The following ZHX2 variants were observed in gnomAD, a reference collection of about 807,000 sequenced individuals.
The protein encoded by ZHX2 is zinc fingers and homeoboxes protein 2.
ZHX2 carries 6 observed loss-of-function variants against 21.9 expected under a neutral mutation model. The ratio of observed to expected loss-of-function variants is 0.27; its 90% CI spans 0.15 to 0.54. The LOEUF is 0.54. Among genes scored for constraint, ZHX2 ranks in the 20% least tolerant of loss-of-function variants. ZHX2 has a pLI of 0.95. For synonymous variants in ZHX2, 434 were observed against 437.1 expected (o/e 0.99, Z 0.09); for missense variants, 908 against 1,090.7 (o/e 0.83, Z 2.36).
intron 1 of ZHX2, among the ~76,000 whole-genome samples, chr8:122,832,802 T>C (rs969773466): frequency 1.3e-5 from 2 of 152,096 alleles, no homozygotes; most frequent in African/African-American, 2.4e-5. Flanking sequence ...TAGGCCTAGA[T>C]AGGTGACCGA....
At chr8:122,862,874 T>C (rs1389904111) in intron 1 of ZHX2, among the ~76,000 whole-genome samples, 1 of 152,206 alleles carries the variant, frequency 6.6e-6, no homozygotes, top group Non-Finnish European at 1.5e-5. Context: ...GTTAAACCTC[T>C]AGGGCTCAGG....
chr8:122,925,512 G>C (rs1005107668), intron 2 of ZHX2, among the ~76,000 whole-genome samples: 1 of 152,176 alleles, frequency 6.6e-6, no homozygotes, highest in Non-Finnish European at 1.5e-5. Context: ...AGTTCAAACC[G>C]TGTTCTCTTT....
At chr8:122,900,418 G>C (rs1170951546) in intron 2 of ZHX2, among the ~76,000 whole-genome samples, 1 of 152,114 alleles carries the variant, frequency 6.6e-6, no homozygotes, top group Non-Finnish European at 1.5e-5. Flanking sequence ...TCGCCCACGA[G>C]GGAGGACATT....
chr8:122,833,966 C>G (rs1182612994), intron 1 of ZHX2, among the ~76,000 whole-genome samples: 1 of 150,292 alleles, frequency 6.7e-6, no homozygotes, highest in Non-Finnish European at 1.5e-5. Context: ...CACTGCACTC[C>G]AGCCTGGGCG....
intron 2 of ZHX2, among the ~76,000 whole-genome samples, chr8:122,881,726 G>A (rs1402454757): frequency 2.0e-5 from 3 of 152,156 alleles, no homozygotes; most frequent in African/African-American, 7.2e-5. Flanking sequence ...CAGGTGACAG[G>A]CCACGTAGGG....
At chr8:122,858,494 T>G (rs1819084448) in intron 1 of ZHX2, among the ~76,000 whole-genome samples, 1 of 152,162 alleles carries the variant, frequency 6.6e-6, no homozygotes, top group Non-Finnish European at 1.5e-5. Flanking sequence ...TTATTTTTCC[T>G]TATTGTGATT....
At chr8:122,965,425 G>A (rs187246484) in intron 3 of ZHX2, among the ~76,000 whole-genome samples, 65 of 152,176 alleles carry the variant, frequency 4.3e-4, no homozygotes, top group Non-Finnish European at 6.2e-4. Context: ...ATTCAAGAGC[G>A]TATCATTTAA....
chr8:122,947,497 G>T (rs1427703229), intron 2 of ZHX2, among the ~76,000 whole-genome samples: 10 of 152,116 alleles, frequency 6.6e-5, no homozygotes, highest in Non-Finnish European at 1.5e-4. Context: ...CTACCATATT[G>T]GGCAGAATGG....
intron 1 of ZHX2, among the ~76,000 whole-genome samples, chr8:122,798,801 CAA>C (rs35258860): frequency 6.2e-5 from 8 of 128,928 alleles, no homozygotes; most frequent in Admixed American, 8.0e-5. Flanking sequence ...GAGACTGTCT[CAA>C]AAAAAAAAAA....
In ZHX2 at chr8:122,952,604, C is replaced by T. The variant is rs772595473; in HGVS notation, c.1094C>T (p.Ala365Val). Residue 365 changes from alanine (A) to valine (V), a missense_variant, in exon 3 of 4, where the codon GCT becomes GTT. Around this residue, in one of 4 missense-constraint regions of ZHX2, gnomAD observed 232 missense variants for 361.8 expected, o/e 0.64. Coordinates refer to ENST00000314393, the MANE Select transcript of ZHX2 (RefSeq NM_014943.5). This position sits in a 1 kb window ranked among gnomAD's most constrained non-coding sequence, Gnocchi z 6.9. ...GTGACGCAGCCCATCCTCCAGACGGCTCTACCGTGCCAGATCCTCGGCCAG... is the reference window on the plus strand; with the variant it reads ...GTGACGCAGCCCATCCTCCAGACGGTTCTACCGTGCCAGATCCTCGGCCAG... ...TKVTQPILQTALPCQILGQTS... is the reference protein window; with the variant it reads ...TKVTQPILQTVLPCQILGQTS... 1.2e-6 allele frequency: 2 copies of T among 1,614,188 alleles called. No homozygotes were observed. Among genetic ancestry groups the T allele is most frequent in the Non-Finnish European group, 1.7e-6 (2 of 1,180,044 alleles).
chr8:122,945,836 C>G (rs897721819), intron 2 of ZHX2, among the ~76,000 whole-genome samples: 2 of 152,214 alleles, frequency 1.3e-5, no homozygotes, highest in Non-Finnish European at 2.9e-5. Context: ...GATGGTCTGT[C>G]TACAGCCATA....
rs181851604 is a variant in ZHX2, at chr8:122,795,697, C to A, written c.-283+13751C>A. On this transcript the variant is annotated intron_variant, in intron 1 of 3. Coordinates refer to ENST00000314393, the MANE Select transcript of ZHX2 (RefSeq NM_014943.5). ...TTATATTATTTAATCCCAACTACCC[C>A]CATTGGTAGAAATTTTTATACTCAT... Among the ~76,000 whole-genome samples the A allele has an allele frequency of 2.0e-5, 3 of 152,208 alleles. No homozygotes were observed. In the East Asian group the frequency reaches 5.8e-4, roughly 29 times the overall value.
At chr8:122,918,878 A>T (rs1288813364) in intron 2 of ZHX2, among the ~76,000 whole-genome samples, 1 of 149,792 alleles carries the variant, frequency 6.7e-6, no homozygotes, top group Non-Finnish European at 1.5e-5. Flanking sequence ...AACCTGGGAG[A>T]TGGAGGTTGC....
intron 1 of ZHX2, among the ~76,000 whole-genome samples, chr8:122,854,977 T>C (rs1231331102): frequency 6.6e-6 from 1 of 152,246 alleles, no homozygotes; most frequent in East Asian, 1.9e-4. Flanking sequence ...CAACACCTGA[T>C]ACAGTATTCT....
intron 2 of ZHX2, among the ~76,000 whole-genome samples, chr8:122,864,452 G>A (rs1385006528): frequency 6.6e-6 from 1 of 152,062 alleles, no homozygotes; most frequent in Admixed American, 6.5e-5. Context: ...CCTGCTGTAT[G>A]TGGTCCAGGG....
intron 1 of ZHX2, among the ~76,000 whole-genome samples, chr8:122,783,068 G>T (rs371122531): frequency 1.1e-4 from 16 of 152,292 alleles, no homozygotes; most frequent in East Asian, 5.8e-4. Flanking sequence ...GGAGGTGGAG[G>T]CGGCGGCGGA....
intron 1 of ZHX2, among the ~76,000 whole-genome samples, chr8:122,844,680 C>T (rs1332106236): frequency 6.6e-6 from 1 of 152,154 alleles, no homozygotes; most frequent in Non-Finnish European, 1.5e-5. Flanking sequence ...TAAAACAGAG[C>T]ACTTTATGAC....
At chr8:122,923,130 C>G (rs1820777165) in intron 2 of ZHX2, among the ~76,000 whole-genome samples, 1 of 152,234 alleles carries the variant, frequency 6.6e-6, no homozygotes. Flanking sequence ...TTGGGTCGGC[C>G]TCTGTTCTGG....
rs1415615568 is a variant in ZHX2, at chr8:122,973,741, C to T, written c.*504C>T. 6.6e-6 allele frequency: 1 copy of T among 152,342 alleles called. No individual in the cohort carries two copies. Among genetic ancestry groups the T allele is most frequent in the Non-Finnish European group, 1.5e-5 (1 of 67,994 alleles). 9.4% of individuals were successfully genotyped at this position (152,342 alleles called of 1,614,324 possible). A position where few individuals can be genotyped will look rare whatever the true frequency, so the allele number is the denominator to read the frequency against. ...ATCTACTGGATTTTAAGTAGGGAGA[C>T]TTTATTTTTAAAGGTAGGTTGAAAT... On this transcript the variant is annotated 3_prime_UTR_variant, in exon 4 of 4. Coordinates refer to ENST00000314393, the MANE Select transcript of ZHX2 (RefSeq NM_014943.5).
Sources: gnomAD v4.1 joint callset for allele counts (sites outside exome capture counted in the v4.1 genomes callset) on GRCh38, gnomAD v4.1.1 for gene constraint, gnomAD v4.1.1 regional missense constraint, Gnocchi (gnomAD v3.1) non-coding constraint, MANE v1.5 for transcripts, NCBI Gene and HGNC (gene_info 2026-07-23, HGNC 2026-07-21) for gene names.